The following PTPRD variants were observed in gnomAD, a reference collection of about 807,000 sequenced individuals.
PTPRD encodes the protein protein tyrosine phosphatase receptor type D, also known as receptor-type tyrosine-protein phosphatase delta.
PTPRD carries 34 observed loss-of-function variants against 214.5 expected under a neutral mutation model. The observed-to-expected ratio is 0.16, with a 90% CI of 0.12 to 0.21. The LOEUF (loss-of-function observed/expected upper bound fraction) is 0.21. PTPRD is among the 10% of genes least tolerant of loss of function. The probability of loss-of-function intolerance (pLI) is 1.00; values close to 1 mark genes in which losing one functional copy is unlikely to be tolerated. For synonymous variants in PTPRD, 1,128 were observed against 845.7 expected (o/e 1.33, Z -5.79); for missense variants, 2,545 against 2,398.7 (o/e 1.06, Z -1.27).
At chr9:8,977,626 T>C (rs1412639163) in intron 11 of PTPRD, among the ~76,000 whole-genome samples, 1 of 151,826 alleles carries the variant, frequency 6.6e-6, no homozygotes, top group Non-Finnish European at 1.5e-5. Context: ...ATTTTAATAA[T>C]TCATAAAAAT....
intron 14 of PTPRD, among the ~76,000 whole-genome samples, chr9:8,594,601 G>A (rs2094358408): frequency 6.6e-6 from 1 of 152,148 alleles, no homozygotes; most frequent in Non-Finnish European, 1.5e-5. Flanking sequence ...TTTCCCCCAT[G>A]CTATTCTCAT....
intron 5 of PTPRD, among the ~76,000 whole-genome samples, chr9:9,903,555 T>C (rs889407998): frequency 1.3e-5 from 2 of 152,160 alleles, no homozygotes; most frequent in African/African-American, 2.4e-5. Flanking sequence ...ATTTCCAGCA[T>C]AGTACACAGT....
In PTPRD at chr9:9,938,318, A is replaced by G. The variant is rs561110124; in HGVS notation, c.-368+189T>C. Reference sequence around the variant, plus strand: ...CAACTTGAAATTAGGTGGATTAAAAAGTATATGCATTGACCTAAAGACACT... The same window carrying G: ...CAACTTGAAATTAGGTGGATTAAAAGGTATATGCATTGACCTAAAGACACT... On this transcript the variant is annotated intron_variant, in intron 5 of 45. Coordinates refer to ENST00000381196, the MANE Select transcript of PTPRD (RefSeq NM_002839.4). Among the ~76,000 whole-genome samples, 5 of 152,312 alleles carry G rather than the reference A, an allele frequency of 3.3e-5. No individual in the cohort carries two copies. The South Asian group carries it at 1.0e-3, about 32-fold the overall frequency.
rs1243129221 is a variant in PTPRD, at chr9:8,340,436, G to A, written c.5160C>T (p.Pro1720=). The A allele has an allele frequency of 3.7e-6, 6 of 1,607,176 alleles. No homozygotes were observed. Among genetic ancestry groups the A allele is most frequent in the Non-Finnish European group, 5.1e-6 (6 of 1,175,234 alleles). ...AGAAGTCTTCAGTGGTCTCTGCCAA[G>A]GGCCCCTGGGTAGCGATGTAGGCTT... ...QQKAYIATQG[P]LAETTEDFWR... Residue 1720 remains proline, a synonymous_variant, in exon 42 of 46, where the codon CCC becomes CCT. Transcript: ENST00000381196.
intron 7 of PTPRD, among the ~76,000 whole-genome samples, chr9:9,731,352 G>T (rs977660313): frequency 6.6e-5 from 10 of 152,028 alleles, no homozygotes; most frequent in Non-Finnish European, 1.2e-4. Flanking sequence ...AGTGTATCAT[G>T]ATAATTCAGA....
intron 7 of PTPRD, among the ~76,000 whole-genome samples, chr9:9,595,783 G>C (rs957495000): frequency 6.6e-6 from 1 of 151,672 alleles, no homozygotes; most frequent in African/African-American, 2.4e-5. Flanking sequence ...TGGACTTTGA[G>C]GACTCAGGGG....
chr9:10,332,649 G>A (rs1216565023), intron 3 of PTPRD, among the ~76,000 whole-genome samples: 2 of 151,784 alleles, frequency 1.3e-5, no homozygotes, highest in Non-Finnish European at 1.5e-5. Flanking sequence ...AAACTCAGTA[G>A]GTACTAATAC....
At chr9:8,598,674 C>A (rs1201314809) in intron 14 of PTPRD, among the ~76,000 whole-genome samples, 1 of 152,126 alleles carries the variant, frequency 6.6e-6, no homozygotes, top group Non-Finnish European at 1.5e-5. Context: ...TACAATGCTG[C>A]TTATACTTCA....
intron 11 of PTPRD, among the ~76,000 whole-genome samples, chr9:8,923,130 C>T (rs1203319952): frequency 1.3e-5 from 2 of 151,286 alleles, no homozygotes; most frequent in Non-Finnish European, 2.9e-5. Flanking sequence ...AAACCTCCGC[C>T]TCCTGGGTTC....
At chr9:8,465,823 T>A in intron 31 of PTPRD, 148 bp from the exon 32 acceptor site, 1 of 654,800 alleles carries the variant, frequency 1.5e-6, no homozygotes, top group South Asian at 2.0e-5. Context: ...TCACTAAATC[T>A]CAGTTCTCTC....
At position 10,477,532 on chromosome 9, in the gene PTPRD, G is replaced by A. The variant is rs142441596; in HGVS notation, c.-600+134866C>T. ...ATAAGAATGCTTTTACACTGTTGGCGGGAGAGTAAATTAGTTCGACCATTG... is the reference window on the plus strand; with the variant it reads ...ATAAGAATGCTTTTACACTGTTGGCAGGAGAGTAAATTAGTTCGACCATTG... On this transcript the variant is annotated intron_variant, in intron 2 of 45. Coordinates refer to ENST00000381196, the MANE Select transcript of PTPRD (RefSeq NM_002839.4). 4.9e-3 allele frequency among the ~76,000 whole-genome samples: 741 copies of A among 152,242 alleles called. 4 individuals carry two copies. The highest frequency in any genetic ancestry group is 8.2e-3 in the Non-Finnish European group (558 of 68,022).
chr9:9,888,033 C>G (rs2071640575), intron 5 of PTPRD, among the ~76,000 whole-genome samples: 1 of 152,090 alleles, frequency 6.6e-6, no homozygotes, highest in African/African-American at 2.4e-5. Flanking sequence ...GGGAAACTGG[C>G]CCGTTAGCAA....
intron 3 of PTPRD, among the ~76,000 whole-genome samples, chr9:10,264,139 G>A (rs542852788): frequency 6.6e-6 from 1 of 152,202 alleles, no homozygotes; most frequent in Non-Finnish European, 1.5e-5. Context: ...CAGGAGTGGA[G>A]TCCTCATGGA....
chr9:8,579,330 T>A (rs1232995562), intron 14 of PTPRD, among the ~76,000 whole-genome samples: 1 of 152,226 alleles, frequency 6.6e-6, no homozygotes, highest in Non-Finnish European at 1.5e-5. Flanking sequence ...AAGAAATAAT[T>A]TTAAAAGAAA....
At chr9:9,703,419 T>G (rs1395068424) in intron 7 of PTPRD, among the ~76,000 whole-genome samples, 1 of 152,170 alleles carries the variant, frequency 6.6e-6, no homozygotes, top group African/African-American at 2.4e-5. Context: ...ACATTAAACC[T>G]CCAGTAATCA....
At chr9:8,426,730 A>G (rs1467618281) in intron 35 of PTPRD, among the ~76,000 whole-genome samples, 1 of 151,790 alleles carries the variant, frequency 6.6e-6, no homozygotes, top group Non-Finnish European at 1.5e-5. Context: ...GGACTCCCAC[A>G]AGAAAAAAAC....
At chr9:8,712,032 C>G (rs1035037649) in intron 12 of PTPRD, among the ~76,000 whole-genome samples, 1 of 152,206 alleles carries the variant, frequency 6.6e-6, no homozygotes, top group Admixed American at 6.5e-5. Context: ...GAATACATAA[C>G]TATGCATCTG....
At chr9:9,573,801 G>C (rs1317937630) in intron 8 of PTPRD, among the ~76,000 whole-genome samples, 1 of 151,722 alleles carries the variant, frequency 6.6e-6, no homozygotes. Flanking sequence ...GTTATGTTGA[G>C]TGTTTCTTTA....
chr9:9,445,011 A>G (rs1247786350), intron 8 of PTPRD, among the ~76,000 whole-genome samples: 2 of 152,124 alleles, frequency 1.3e-5, no homozygotes, highest in African/African-American at 4.8e-5. Flanking sequence ...TTATTTCTTG[A>G]TCAAATTTTA....
Sources: allele counts gnomAD v4.1 joint callset (sites outside exome capture counted in the v4.1 genomes callset), GRCh38; gene constraint gnomAD v4.1.1; transcripts MANE v1.5; gene names NCBI Gene and HGNC (gene_info 2026-07-23, HGNC 2026-07-21).